Variants in SDK2 observed in about 807,000 individuals in gnomAD.
SDK2 encodes the protein protein sidekick-2.
Under a neutral mutation model 253.9 loss-of-function variants are expected in SDK2, and 105 were observed. The ratio of observed to expected loss-of-function variants is 0.41; its 90% CI spans 0.35 to 0.49. The LOEUF (loss-of-function observed/expected upper bound fraction) is 0.49. Ranked by LOEUF, SDK2 falls within the 20% of genes least tolerant of loss-of-function variation. The pLI, the probability that SDK2 is intolerant of heterozygous loss-of-function variation, is 0.06. For missense variants in SDK2, 2,608 were observed against 3,003.0 expected (o/e 0.87, Z 3.07); for synonymous variants, 1,249 against 1,234.9 (o/e 1.01, Z -0.24).
At chr17:73,524,850 A>G (rs2064112706) in intron 1 of SDK2, among the ~76,000 whole-genome samples, 1 of 152,264 alleles carries the variant, frequency 6.6e-6, no homozygotes, top group Non-Finnish European at 1.5e-5. Context: ...TGGAAAGGCA[A>G]CAGAGCCATC....
intron 12 of SDK2, among the ~76,000 whole-genome samples, chr17:73,428,037 A>G (rs1181266310): frequency 2.0e-5 from 3 of 152,266 alleles, no homozygotes; most frequent in Non-Finnish European, 2.9e-5. Context: ...ATAGTCATTG[A>G]CAGATGCCTC....
chr17:73,528,026 C>T (rs929058075), intron 1 of SDK2, among the ~76,000 whole-genome samples: 1 of 151,814 alleles, frequency 6.6e-6, no homozygotes, highest in African/African-American at 2.4e-5. Context: ...GCAGTGAGGG[C>T]GAGGTGACCG....
intron 4 of SDK2, among the ~76,000 whole-genome samples, chr17:73,453,535 C>G (rs12943314): frequency 0.88 from 133,646 of 152,102 alleles, 59,377 homozygotes; most frequent in African/African-American, 0.91. Context: ...GTGCCACCAT[C>G]CCTGGCTAAT....
intron 1 of SDK2, among the ~76,000 whole-genome samples, chr17:73,546,596 T>A (rs1236926004): frequency 6.6e-6 from 1 of 152,142 alleles, no homozygotes; most frequent in Non-Finnish European, 1.5e-5. Flanking sequence ...AAGGTCCCTC[T>A]CAGGCCTGCC....
intron 25 of SDK2, among the ~76,000 whole-genome samples, chr17:73,394,933 C>T (rs568573840): frequency 2.0e-5 from 3 of 152,294 alleles, no homozygotes; most frequent in Non-Finnish European, 2.9e-5. Context: ...GGGATACCCC[C>T]GCCCCCCTTG....
chr17:73,514,620 T>C (rs1217484168), intron 1 of SDK2, among the ~76,000 whole-genome samples: 2 of 152,146 alleles, frequency 1.3e-5, no homozygotes, highest in Non-Finnish European at 2.9e-5. Context: ...ATGATGTCCA[T>C]CTGCCCTCCA....
intron 1 of SDK2, among the ~76,000 whole-genome samples, chr17:73,514,749 G>A (rs977380698): frequency 6.6e-6 from 1 of 152,138 alleles, no homozygotes; most frequent in African/African-American, 2.4e-5. Flanking sequence ...CAGTCATCAC[G>A]AGCTTCCCTG....
At chr17:73,405,754 C>G (rs933447728) in intron 18 of SDK2, among the ~76,000 whole-genome samples, 4 of 149,262 alleles carry the variant, frequency 2.7e-5, no homozygotes, top group African/African-American at 7.4e-5. Context: ...GAGTCTCGCT[C>G]TGTCGCCCAG....
chr17:73,387,482 C>T (rs150866934), intron 30 of SDK2, among the ~76,000 whole-genome samples: 11 of 152,272 alleles, frequency 7.2e-5, no homozygotes, highest in Admixed American at 2.6e-4. Context: ...GCTAGAATTT[C>T]GGAGTGACGC....
intron 24 of SDK2, among the ~76,000 whole-genome samples, chr17:73,396,057 C>T (rs1369993630): frequency 6.6e-6 from 1 of 152,100 alleles, no homozygotes; most frequent in Non-Finnish European, 1.5e-5. Flanking sequence ...GCCACTATGC[C>T]TGCTAAGTTT....
chr17:73,436,788 A>C (rs375950145), intron 8 of SDK2, among the ~76,000 whole-genome samples: 1 of 152,068 alleles, frequency 6.6e-6, no homozygotes, highest in East Asian at 1.9e-4. Flanking sequence ...GATGTGTCTT[A>C]TAATCAACAG....
intron 3 of SDK2, among the ~76,000 whole-genome samples, chr17:73,458,658 G>A (rs1465567638): frequency 6.6e-6 from 1 of 152,148 alleles, no homozygotes; most frequent in Non-Finnish European, 1.5e-5. Flanking sequence ...TTTCTCCAAG[G>A]AGGGCCCTCC....
chr17:73,480,655 T>A (rs1277301842), intron 2 of SDK2, among the ~76,000 whole-genome samples: 1 of 151,660 alleles, frequency 6.6e-6, no homozygotes, highest in East Asian at 1.9e-4. Context: ...AGAGAGACAG[T>A]CAGAGAGACA....
At chr17:73,594,879 A>G (rs566035243) in intron 1 of SDK2, among the ~76,000 whole-genome samples, 3 of 152,052 alleles carry the variant, frequency 2.0e-5, no homozygotes, top group South Asian at 4.1e-4. Flanking sequence ...CAGCACATAC[A>G]TAGCACACAC....
chr17:73,494,906 T>A (rs931481807), intron 2 of SDK2, among the ~76,000 whole-genome samples: 1 of 152,364 alleles, frequency 6.6e-6, no homozygotes, highest in Non-Finnish European at 1.5e-5. Flanking sequence ...CACCACCCCA[T>A]GTCCTCTGGC....
chr17:73,554,934 GTC>G (rs2045120437), intron 1 of SDK2, among the ~76,000 whole-genome samples: 1 of 152,256 alleles, frequency 6.6e-6, no homozygotes, highest in South Asian at 2.1e-4. Flanking sequence ...CAAGACCTGA[GTC>G]TCTTCCATCT....
At chr17:73,627,385 G>A (rs1383749525) in intron 1 of SDK2, among the ~76,000 whole-genome samples, 1 of 152,126 alleles carries the variant, frequency 6.6e-6, no homozygotes, top group Non-Finnish European at 1.5e-5. Context: ...GGGATGAAAA[G>A]GAACACTGTA....
At chr17:73,601,323 C>T (rs148614143) in intron 1 of SDK2, among the ~76,000 whole-genome samples, 4 of 152,082 alleles carry the variant, frequency 2.6e-5, no homozygotes, top group African/African-American at 7.2e-5. Flanking sequence ...CCTGGCCTTA[C>T]GAATGATCTA....
Position 73,570,394 on chromosome 17 carries a change from C to T in SDK2, c.65-62797G>A, listed in dbSNP as rs190935229. Among the ~76,000 whole-genome samples the T allele has an allele frequency of 6.6e-6, 1 of 152,174 alleles. No individual in the cohort carries two copies. Among genetic ancestry groups the T allele is most frequent in the Non-Finnish European group, 1.5e-5 (1 of 68,036 alleles). ...ATGCTCAATAAAGAGCCTCCAGGTG[C>T]ATGTGAGGGTGGGTGAGGTGGCTCC... On this transcript the variant is annotated intron_variant, in intron 1 of 44. Transcript: ENST00000392650. This position sits in a 1 kb window ranked among gnomAD's most constrained non-coding sequence, Gnocchi z 4.2.
Sources: allele counts gnomAD v4.1 joint callset (sites outside exome capture counted in the v4.1 genomes callset), GRCh38; gene constraint gnomAD v4.1.1; non-coding constraint Gnocchi (gnomAD v3.1); transcripts MANE v1.5; gene names NCBI Gene and HGNC (gene_info 2026-07-23, HGNC 2026-07-21).